SLC9B2: variants seen among roughly 807,000 people sequenced by gnomAD.
SLC9B2 encodes the protein sodium/hydrogen exchanger 9B2.
Under a neutral mutation model 52.2 loss-of-function variants are expected in SLC9B2, and 39 were observed. The ratio of observed to expected loss-of-function variants is 0.75; its 90% confidence interval spans 0.58 to 0.98. The LOEUF (loss-of-function observed/expected upper bound fraction) is 0.98, where lower values mean the gene tolerates loss of function less well. Among genes scored for constraint, SLC9B2 ranks in the 50% least tolerant of loss-of-function variants. The pLI is 0.00. For synonymous variants in SLC9B2, 214 were observed against 227.0 expected (o/e 0.94, Z 0.51); for missense variants, 626 against 637.5 (o/e 0.98, Z 0.19).
At position 103,043,454 on chromosome 4, in the gene SLC9B2, GA is replaced by G; in HGVS notation, c.997-10del. On this transcript the variant is annotated splice_polypyrimidine_tract_variant and intron_variant, in intron 8 of 11. Transcript: ENST00000394785. ...TTACACACAAGTTTGTCCTTTAGGA[GA>G]AAAAAATTCATTTGCTCAATTATTT... The G allele has an allele frequency of 6.3e-7, 1 of 1,581,310 alleles. No individual in the cohort carries two copies. The highest frequency in any genetic ancestry group is 1.4e-5 in the African/African-American group (1 of 73,462).
chr4:103,041,418 A>C (rs1349078984), intron 9 of SLC9B2, among the ~76,000 whole-genome samples: 1 of 152,190 alleles, frequency 6.6e-6, no homozygotes, highest in African/African-American at 2.4e-5. Context: ...TTGGTTTATA[A>C]GAATCATTTA....
chr4:103,050,393 G>T lies in SLC9B2; in HGVS notation c.443-11C>A, dbSNP rs113688010. The T allele has an allele frequency of 1.7e-5, 27 of 1,568,684 alleles. No individual in the cohort carries two copies. The highest frequency in any genetic ancestry group is 3.4e-4 in the Middle Eastern group (2 of 5,866). On this transcript the variant is annotated splice_polypyrimidine_tract_variant and intron_variant, in intron 4 of 11. Transcript: ENST00000394785. ...CTGCAAGCAGCATGCCTTGAACGAA[G>T]AAATCAAACATATCTAGTTAGTTTT...
In SLC9B2 at chr4:103,055,928, C is replaced by T. The variant is rs533613277; in HGVS notation, c.442+1873G>A. Among the ~76,000 whole-genome samples the T allele has an allele frequency of 4.6e-5, 7 of 151,666 alleles. No individual in the cohort carries two copies. The South Asian group carries it at 1.5e-3, about 32-fold the overall frequency. ...ACGCCATTCTCCTGCCTCAGCCTCC[C>T]GAGTAGCTGGGACTACAGGTGCCCG... On this transcript the variant is annotated intron_variant, in intron 4 of 11. Transcript: ENST00000394785.
intron 1 of SLC9B2, among the ~76,000 whole-genome samples, chr4:103,072,428 C>T (rs558774354): frequency 9.9e-5 from 15 of 152,272 alleles, no homozygotes; most frequent in East Asian, 7.7e-4. Context: ...ACAAATGGAA[C>T]GACTAAGGTG....
chr4:103,048,986 A>C lies in SLC9B2; in HGVS notation c.620T>G (p.Leu207Arg), dbSNP rs367696548. ...LKKLKGVCVR[L>R]SMGPCIVEAC... ...CTCCACAATACAGGGACCCATGGAC[A>C]GTCTTACACAAACGCCCTTTAACTT... The change falls in exon 6 of 12, where the codon CTG (leucine) becomes CGG (arginine). Residue 207 changes from leucine to arginine, a missense_variant. Coordinates refer to ENST00000394785, the MANE Select transcript of SLC9B2 (RefSeq NM_178833.7). 6.2e-7 allele frequency: 1 copy of C among 1,613,884 alleles called. No homozygotes were observed. The highest frequency in any genetic ancestry group is 1.3e-5 in the African/African-American group (1 of 74,946).
downstream of SLC9B2, among the ~76,000 whole-genome samples, chr4:103,020,727 C>T (rs1018673039): frequency 6.6e-6 from 1 of 152,124 alleles, no homozygotes; most frequent in Non-Finnish European, 1.5e-5. Flanking sequence ...GCCTCCTCCT[C>T]CTTGGTTCAA....
chr4:103,070,594 C>A (rs1746530826), intron 1 of SLC9B2, among the ~76,000 whole-genome samples: 1 of 152,180 alleles, frequency 6.6e-6, no homozygotes, highest in Non-Finnish European at 1.5e-5. Flanking sequence ...GTGCCCGCCA[C>A]CTCGCCTGGC....
At chr4:103,046,829 C>G (rs116041400) in intron 7 of SLC9B2, among the ~76,000 whole-genome samples, 1 of 152,040 alleles carries the variant, frequency 6.6e-6, no homozygotes, top group Admixed American at 6.6e-5. Context: ...CCGCCCCTGC[C>G]GTACTGCACC....
intron 3 of SLC9B2, among the ~76,000 whole-genome samples, chr4:103,063,750 G>A (rs1009376997): frequency 6.6e-6 from 1 of 152,158 alleles, no homozygotes; most frequent in Non-Finnish European, 1.5e-5. Flanking sequence ...ACGGAGTGAA[G>A]AGACAACCTA....
chr4:103,063,741 C>G (rs748828696), intron 3 of SLC9B2, among the ~76,000 whole-genome samples: 1 of 152,164 alleles, frequency 6.6e-6, no homozygotes, highest in Non-Finnish European at 1.5e-5. Flanking sequence ...AAACAATCCA[C>G]GGAGTGAAGA....
intron 3 of SLC9B2, among the ~76,000 whole-genome samples, chr4:103,062,864 C>A (rs911305869): frequency 6.6e-6 from 1 of 152,188 alleles, no homozygotes; most frequent in African/African-American, 2.4e-5. Flanking sequence ...CCTGCCTTGG[C>A]CTCCTAAAGT....
At chr4:103,019,651 T>G, downstream of SLC9B2, 6 of 985,444 alleles carry the variant, frequency 6.1e-6, no homozygotes, top group Non-Finnish European at 7.2e-6. Context: ...AGGAGCCCAG[T>G]GACCGTTGCG....
At chr4:103,046,750 T>TTGTGTGAAGTCTCCACACATCTTG in intron 7 of SLC9B2, among the ~76,000 whole-genome samples, 1 of 151,568 alleles carries the variant, frequency 6.6e-6, no homozygotes, top group African/African-American at 2.4e-5. Context: ...CACACATCTT[T>TTGTGTGAAGTCTCCACACATCTTG]TGTGTGAAGC....
chr4:103,040,464 G>A (rs76288692), intron 9 of SLC9B2, among the ~76,000 whole-genome samples: 124 of 152,280 alleles, frequency 8.1e-4, no homozygotes, highest in African/African-American at 2.8e-3. Context: ...AAGTTACAAC[G>A]TATCTTCTTG....
intron 7 of SLC9B2, among the ~76,000 whole-genome samples, chr4:103,046,255 T>C (rs1369620065): frequency 2.6e-5 from 4 of 152,196 alleles, no homozygotes; most frequent in East Asian, 3.9e-4. Flanking sequence ...ACTTTGTCAA[T>C]CATATAATGT....
downstream of SLC9B2, chr4:103,019,745 G>A (rs1278476669): frequency 1.1e-5 from 11 of 985,460 alleles, no homozygotes; most frequent in Non-Finnish European, 1.3e-5. Flanking sequence ...GGGGCGAGGA[G>A]GCGGCAGCGC....
chr4:103,029,006 C>T (rs1475455955), intron 10 of SLC9B2, 123 bp from the exon 11 acceptor site: 2 of 808,774 alleles, frequency 2.5e-6, no homozygotes, highest in East Asian at 3.2e-5. Context: ...ATTACAAATA[C>T]AAAAATGTTT....
intron 3 of SLC9B2, chr4:103,065,591 C>G (rs933223812): frequency 6.6e-6 from 1 of 152,052 alleles, no homozygotes; most frequent in Non-Finnish European, 1.5e-5. Context: ...AGATAATTTT[C>G]AAATCTCTTC....
intron 4 of SLC9B2, among the ~76,000 whole-genome samples, chr4:103,057,269 T>C (rs374853159): frequency 0.12 from 14,281 of 121,994 alleles, 837 homozygotes; most frequent in South Asian, 0.2. Context: ...TATATATATA[T>C]ATATACACAC....
Sources: gnomAD v4.1 joint callset for allele counts (sites outside exome capture counted in the v4.1 genomes callset) on GRCh38, gnomAD v4.1.1 for gene constraint, MANE v1.5 for transcripts, NCBI Gene and HGNC (gene_info 2026-07-23, HGNC 2026-07-21) for gene names.